ZPBP: variants seen among roughly 807,000 people sequenced by gnomAD.
ZPBP encodes zona pellucida-binding protein 1.
A neutral mutation model predicts 44.8 loss-of-function variants in ZPBP; 26 were observed. That is an observed-to-expected ratio of 0.58 (90% confidence interval 0.43 to 0.81). The LOEUF (loss-of-function observed/expected upper bound fraction) is 0.81. Ranked by LOEUF, ZPBP falls within the 30% of genes least tolerant of loss-of-function variation. The probability of loss-of-function intolerance (pLI) is 0.00; values close to 1 mark genes in which losing one functional copy is unlikely to be tolerated. For synonymous variants in ZPBP, 174 were observed against 153.2 expected (o/e 1.14, Z -1.00); for missense variants, 409 against 434.0 (o/e 0.94, Z 0.51).
Position 49,983,442 on chromosome 7 carries a change from T to C in ZPBP, c.861A>G (p.Ile287Met). 6.2e-7 allele frequency: 1 copy of C among 1,611,030 alleles called. No homozygotes were observed. The highest frequency in any genetic ancestry group is 8.5e-7 in the Non-Finnish European group (1 of 1,177,540). ...LGRRAEQLPQ[I>M]YYIEGTLQMV... Reference sequence around the variant, plus strand: ...TTTGGAGAGTACCTTCAATATAGTATATTTGAGGTAATTGTTCTGCACGTC... The same window carrying C: ...TTTGGAGAGTACCTTCAATATAGTACATTTGAGGTAATTGTTCTGCACGTC... The change falls in exon 7 of 8, where the codon ATA becomes ATG. Residue 287 changes from isoleucine (I) to methionine (M), a missense_variant. Transcript: ENST00000046087.
chr7:50,040,532 G>T (rs1800027399), intron 4 of ZPBP, among the ~76,000 whole-genome samples: 1 of 152,154 alleles, frequency 6.6e-6, no homozygotes, highest in Admixed American at 6.5e-5. Flanking sequence ...AAGCAGGGTG[G>T]GTGTCGCCTC....
chr7:50,092,950 T>G lies in ZPBP; in HGVS notation c.127+118A>C, dbSNP rs534654541. 6.4e-6 allele frequency: 9 copies of G among 1,397,776 alleles called. 1 individual carries two copies. In the East Asian group the frequency reaches 2.5e-4, roughly 38 times the overall value. 86.6% of individuals were successfully genotyped at this position (1,397,776 alleles called of 1,614,324 possible). Reference sequence around the variant, plus strand: ...AAAATAAGCCTTTCTTGTCACGTATTAGTGAGCAAGGTGTCTCTATATAAA... The same window carrying G: ...AAAATAAGCCTTTCTTGTCACGTATGAGTGAGCAAGGTGTCTCTATATAAA... On this transcript the variant is annotated intron_variant, in intron 1 of 7. Coordinates refer to ENST00000046087, the MANE Select transcript of ZPBP (RefSeq NM_007009.3).
downstream of ZPBP, among the ~76,000 whole-genome samples, chr7:49,934,297 G>A (rs1225456686): frequency 6.6e-6 from 1 of 152,114 alleles, no homozygotes; most frequent in East Asian, 1.9e-4. Context: ...TGCTTTTTTA[G>A]GAAGAAGGGG....
intron 3 of ZPBP, among the ~76,000 whole-genome samples, chr7:50,079,726 A>C (rs1259008837): frequency 4.6e-5 from 7 of 151,678 alleles, no homozygotes; most frequent in Admixed American, 4.6e-4. Flanking sequence ...CACACACAAA[A>C]TGGCAACTAT....
At chr7:50,048,013 A>G (rs1014049480) in intron 4 of ZPBP, among the ~76,000 whole-genome samples, 1 of 152,182 alleles carries the variant, frequency 6.6e-6, no homozygotes, top group African/African-American at 2.4e-5. Context: ...CCAGAATAGT[A>G]TGGGAGGGTA....
intron 6 of ZPBP, among the ~76,000 whole-genome samples, chr7:50,017,437 T>G (rs1357036513): frequency 6.6e-6 from 1 of 152,126 alleles, no homozygotes; most frequent in African/African-American, 2.4e-5. Flanking sequence ...ACTCACCTCC[T>G]GCTGTATGGC....
chr7:49,859,802 A>G (rs867535636), intron 2 of ZPBP, among the ~76,000 whole-genome samples: 5,587 of 137,900 alleles, frequency 0.041, 326 homozygotes, highest in African/African-American at 0.17. Context: ...ACACACACAC[A>G]CACACACACA....
intron 6 of ZPBP, among the ~76,000 whole-genome samples, chr7:49,991,353 A>C (rs1446528812): frequency 6.6e-6 from 1 of 152,200 alleles, no homozygotes; most frequent in East Asian, 1.9e-4. Flanking sequence ...ATGTGATCTC[A>C]TATTACTGAA....
intron 1 of ZPBP, among the ~76,000 whole-genome samples, chr7:49,902,554 CA>C (rs34786165): frequency 0.037 from 3,972 of 106,598 alleles, 165 homozygotes; most frequent in African/African-American, 0.14. Context: ...TATCCGTAGC[CA>C]AAAAAAAAAA....
In ZPBP at chr7:50,031,314, T is replaced by C. The variant is rs768693118; in HGVS notation, c.488-4A>G. ...TAATAATGAGGCTCACGATAAGCTGTAAAAAATTAACAAGAGAAAGACACA... is the reference window on the plus strand; with the variant it reads ...TAATAATGAGGCTCACGATAAGCTGCAAAAAATTAACAAGAGAAAGACACA... On this transcript the variant is annotated splice_polypyrimidine_tract_variant and splice_region_variant and intron_variant, in intron 4 of 7. Transcript: ENST00000046087. 10 of 1,604,540 alleles carry C rather than the reference T, an allele frequency of 6.2e-6. No homozygotes were observed. The highest frequency in any genetic ancestry group is 8.5e-6 in the Non-Finnish European group (10 of 1,176,170).
At chr7:49,878,829 A>G (rs1221648124) in intron 2 of ZPBP, among the ~76,000 whole-genome samples, 1 of 152,196 alleles carries the variant, frequency 6.6e-6, no homozygotes, top group African/African-American at 2.4e-5. Context: ...GTTGGAACAC[A>G]GCTACAGTTG....
intron 1 of ZPBP, among the ~76,000 whole-genome samples, chr7:49,924,329 G>A (rs1794146084): frequency 6.6e-6 from 1 of 151,908 alleles, no homozygotes; most frequent in Non-Finnish European, 1.5e-5. Context: ...AGCTGACCTA[G>A]GAAACAGGTG....
chr7:50,089,367 A>G (rs1403884199), intron 2 of ZPBP, among the ~76,000 whole-genome samples: 2 of 152,084 alleles, frequency 1.3e-5, no homozygotes, highest in African/African-American at 4.8e-5. Flanking sequence ...ATAGCTAATT[A>G]TTATATAATA....
At chr7:50,058,187 C>T (rs949030984) in intron 3 of ZPBP, 46 bp from the exon 4 acceptor site, 13 of 1,594,260 alleles carry the variant, frequency 8.2e-6, no homozygotes, top group Non-Finnish European at 1.1e-5. Flanking sequence ...TTACATGAGA[C>T]AAGTACCAAA....
intron 7 of ZPBP, among the ~76,000 whole-genome samples, chr7:49,957,135 A>G (rs535227412): frequency 6.6e-6 from 1 of 152,206 alleles, no homozygotes; most frequent in South Asian, 2.1e-4. Context: ...CTTCCATCAT[A>G]AGGTTACACA....
At chr7:50,001,284 AC>A (rs1363296119) in intron 6 of ZPBP, among the ~76,000 whole-genome samples, 2 of 152,086 alleles carry the variant, frequency 1.3e-5, no homozygotes, top group Admixed American at 6.6e-5. Flanking sequence ...ACTTCAAAGA[AC>A]CTCACCTTAT....
intron 1 of ZPBP, among the ~76,000 whole-genome samples, chr7:49,903,144 C>T (rs1223786618): frequency 6.6e-6 from 1 of 152,096 alleles, no homozygotes; most frequent in East Asian, 1.9e-4. Flanking sequence ...AAACTGGATT[C>T]GTGGTTGGAC....
chr7:50,084,401 G>T (rs1222444103), intron 2 of ZPBP, among the ~76,000 whole-genome samples: 1 of 145,002 alleles, frequency 6.9e-6, no homozygotes, highest in African/African-American at 2.5e-5. Flanking sequence ...CAAAAAAACA[G>T]AATAAACTAA....
At chr7:49,961,268 G>T (rs1795852256) in intron 7 of ZPBP, among the ~76,000 whole-genome samples, 2 of 152,122 alleles carry the variant, frequency 1.3e-5, no homozygotes, top group South Asian at 4.1e-4. Flanking sequence ...CCATACAATG[G>T]AGTACTATTC....
Sources: gnomAD v4.1 joint callset for allele counts (sites outside exome capture counted in the v4.1 genomes callset) on GRCh38, gnomAD v4.1.1 for gene constraint, MANE v1.5 for transcripts, NCBI Gene and HGNC (gene_info 2026-07-23, HGNC 2026-07-21) for gene names.